ADGRD1: variants seen among roughly 807,000 people sequenced by gnomAD.
The protein encoded by ADGRD1 is adhesion G protein-coupled receptor D1.
Under a neutral mutation model 113.4 loss-of-function variants are expected in ADGRD1, and 77 were observed. The observed-to-expected ratio is 0.68, with a 90% confidence interval of 0.57 to 0.82. The LOEUF is 0.82. ADGRD1 is among the 40% of genes least tolerant of loss of function. ADGRD1 has a pLI of 0.00. For synonymous variants in ADGRD1, 474 were observed against 475.0 expected (o/e 1.00, Z 0.03); for missense variants, 1,036 against 1,139.1 (o/e 0.91, Z 1.30).
At chr12:131,032,187 C>G (rs1439134738) in intron 13 of ADGRD1, among the ~76,000 whole-genome samples, 1 of 152,202 alleles carries the variant, frequency 6.6e-6, no homozygotes, top group African/African-American at 2.4e-5. Flanking sequence ...TACTGAAGCC[C>G]TCTCCTAGGC....
chr12:131,035,838 G>A (rs991802739), intron 13 of ADGRD1, among the ~76,000 whole-genome samples: 7 of 152,122 alleles, frequency 4.6e-5, no homozygotes, highest in Non-Finnish European at 8.8e-5. Context: ...AGACATGAAC[G>A]TTTTATAAGT....
In ADGRD1 at chr12:130,954,230, C is replaced by G. The variant is rs1297539000; in HGVS notation, c.-236C>G. 4.4e-6 allele frequency: 2 copies of G among 450,402 alleles called. No homozygotes were observed. The highest frequency in any genetic ancestry group is 3.5e-5 in the East Asian group (1 of 28,584). 27.9% of individuals were successfully genotyped at this position (450,402 alleles called of 1,614,324 possible). A position where few individuals can be genotyped will look rare whatever the true frequency, so the allele number is the denominator to read the frequency against. On this transcript the variant is annotated 5_prime_UTR_variant, in exon 1 of 25. Transcript: ENST00000261654. The surrounding 1 kb of genome is among the most constrained non-coding windows in gnomAD (Gnocchi z 4.7). The stretch of plus-strand genomic sequence containing the variant: ...CTCCTCCCTGCATTCCACAGCTGCT[C>G]TGGTCATCGCAACGTGTTTATTGAT...
intron 13 of ADGRD1, among the ~76,000 whole-genome samples, chr12:131,068,206 G>A (rs1003929051): frequency 6.6e-6 from 1 of 152,204 alleles, no homozygotes; most frequent in African/African-American, 2.4e-5. Flanking sequence ...GGGGCCGAGT[G>A]GGGCTGAGTG....
At chr12:131,038,615 A>T (rs1402302827) in intron 13 of ADGRD1, among the ~76,000 whole-genome samples, 1 of 152,206 alleles carries the variant, frequency 6.6e-6, no homozygotes, top group Non-Finnish European at 1.5e-5. Flanking sequence ...AGTGTGGGGT[A>T]GGTGGACACT....
chr12:131,006,238 G>C (rs1263378792), intron 12 of ADGRD1, among the ~76,000 whole-genome samples, 191 bp downstream of exon 12: 3 of 152,234 alleles, frequency 2.0e-5, no homozygotes, highest in Admixed American at 6.5e-5. Context: ...CTGGGGCCAG[G>C]CTGGTGGAGT....
At chr12:131,079,251 A>G (rs548697246) in intron 14 of ADGRD1, among the ~76,000 whole-genome samples, 27 of 152,338 alleles carry the variant, frequency 1.8e-4, no homozygotes, top group African/African-American at 5.8e-4. Flanking sequence ...TAGTTTATTT[A>G]TCTTCTCCCG....
intron 15 of ADGRD1, among the ~76,000 whole-genome samples, chr12:131,094,834 C>G (rs1196377464): frequency 2.0e-5 from 3 of 152,230 alleles, no homozygotes; most frequent in African/African-American, 7.2e-5. Flanking sequence ...CCCGCCCCGC[C>G]TTACAGATGA....
chr12:131,114,122 A>G (rs1331656097), intron 18 of ADGRD1, among the ~76,000 whole-genome samples: 1 of 152,146 alleles, frequency 6.6e-6, no homozygotes. Flanking sequence ...TGTGTCGCCG[A>G]TAGGATGGGG....
rs1869325008 is a variant in ADGRD1 at position 130,954,797 on chromosome 12, C to T, written c.103+137C>T. The T allele has an allele frequency of 2.6e-6, 2 of 781,816 alleles. No individual in the cohort carries two copies. Among genetic ancestry groups the T allele is most frequent in the Non-Finnish European group, 4.3e-6 (2 of 461,784 alleles). 48.4% of individuals were successfully genotyped at this position (781,816 alleles called of 1,614,324 possible). ...GGCTCCTGGTCCCCGACCTCACTGC[C>T]TCACCACACACTGTGACCCTGGGCA... On this transcript the variant is annotated intron_variant, in intron 2 of 24. Transcript: ENST00000261654. This position sits in a 1 kb window ranked among gnomAD's most constrained non-coding sequence, Gnocchi z 4.7.
At chr12:131,101,391 T>C (rs1349218724) in intron 15 of ADGRD1, among the ~76,000 whole-genome samples, 1 of 123,916 alleles carries the variant, frequency 8.1e-6, no homozygotes, top group African/African-American at 3.2e-5. Context: ...TTTTTTTTTT[T>C]TTTTTTTTTT....
intron 13 of ADGRD1, among the ~76,000 whole-genome samples, chr12:131,051,937 T>C (rs554099494): frequency 6.6e-6 from 1 of 152,338 alleles, no homozygotes; most frequent in South Asian, 2.1e-4. Context: ...GGATCAAGTT[T>C]GCTTCAAAGG....
chr12:131,045,213 G>C (rs1170492078), intron 13 of ADGRD1, among the ~76,000 whole-genome samples: 3 of 152,242 alleles, frequency 2.0e-5, no homozygotes, highest in Non-Finnish European at 4.4e-5. Context: ...CAGTCCCCAG[G>C]GCAGCCCGCA....
chr12:131,126,054 C>T (rs535759047), intron 20 of ADGRD1, among the ~76,000 whole-genome samples: 11 of 152,294 alleles, frequency 7.2e-5, no homozygotes, highest in East Asian at 1.9e-4. Context: ...TACATAGATA[C>T]GGATACCTAA....
chr12:131,115,739 C>T (rs765512894), intron 18 of ADGRD1, among the ~76,000 whole-genome samples: 3 of 152,140 alleles, frequency 2.0e-5, no homozygotes, highest in Non-Finnish European at 2.9e-5. Context: ...CCCAGGTTAC[C>T]GTGTGAGAGT....
At chr12:131,120,066 G>A (rs1229171928) in intron 19 of ADGRD1, among the ~76,000 whole-genome samples, 2 of 152,174 alleles carry the variant, frequency 1.3e-5, no homozygotes, top group Admixed American at 6.5e-5. Context: ...TTGTGCTGTG[G>A]GGCAGACCTG....
At chr12:131,043,108 C>CTTT (rs1349228296) in intron 13 of ADGRD1, among the ~76,000 whole-genome samples, 3 of 152,212 alleles carry the variant, frequency 2.0e-5, no homozygotes, top group African/African-American at 7.2e-5. Context: ...CAAAGCTGAG[C>CTTT]AAAGAGCAAA....
intron 15 of ADGRD1, among the ~76,000 whole-genome samples, chr12:131,088,431 G>A (rs769233011): frequency 3.9e-5 from 6 of 152,216 alleles, no homozygotes; most frequent in Non-Finnish European, 8.8e-5. Context: ...GCTCTAAAAC[G>A]CAGTCCTGGT....
At chr12:130,957,625 TGAA>T (rs1869812546) in intron 2 of ADGRD1, 1 of 152,268 alleles carries the variant, frequency 6.6e-6, no homozygotes, top group Non-Finnish European at 1.5e-5. Flanking sequence ...TATCTAAACT[TGAA>T]GGAGCAGTTT....
rs1405568151 is a variant in ADGRD1 at position 130,992,369 on chromosome 12, C to T, written c.943C>T (p.Gln315Ter). Residue 315 changes from glutamine to a stop codon, truncating the protein, a stop_gained, in exon 8 of 25, where the codon CAG (glutamine) becomes TAG (stop). Transcript: ENST00000261654. LOFTEE classifies it high-confidence loss of function. ...CTTACCCAGTAAGTCCCTCTCGGAGCAGACAGCCTTGAATCTCACCAAGGT... is the reference window on the plus strand; with the variant it reads ...CTTACCCAGTAAGTCCCTCTCGGAGTAGACAGCCTTGAATCTCACCAAGGT... ...LSLPSKSLSE[Q>*]TALNLTKTFL... 1 of 1,613,614 alleles carries T rather than the reference C, an allele frequency of 6.2e-7. No homozygotes were observed. The highest frequency in any genetic ancestry group is 8.5e-7 in the Non-Finnish European group (1 of 1,179,764).
Sources: gnomAD v4.1 joint callset for allele counts (sites outside exome capture counted in the v4.1 genomes callset) on GRCh38, gnomAD v4.1.1 for gene constraint, Gnocchi (gnomAD v3.1) non-coding constraint, MANE v1.5 for transcripts, NCBI Gene and HGNC (gene_info 2026-07-23, HGNC 2026-07-21) for gene names.